The following ATG2B variants were observed in gnomAD, a reference collection of about 807,000 sequenced individuals.
The protein encoded by ATG2B is autophagy-related protein 2 homolog B.
A neutral mutation model predicts 241.3 loss-of-function variants in ATG2B; 121 were observed. That is an observed-to-expected ratio of 0.50 (90% CI 0.43 to 0.58). The LOEUF (loss-of-function observed/expected upper bound fraction) is 0.58, where lower values mean the gene tolerates loss of function less well. Ranked by LOEUF, ATG2B falls within the 20% of genes least tolerant of loss-of-function variation. The pLI is 0.00. For missense variants in ATG2B, 2,306 were observed against 2,491.6 expected, an observed-to-expected ratio of 0.93 and a Z score of 1.59; for synonymous variants, 858 against 876.6, an observed-to-expected ratio of 0.98 and a Z score of 0.37.
At chr14:96,342,060 C>T (rs1391116822) in intron 5 of ATG2B, among the ~76,000 whole-genome samples, 1 of 152,096 alleles carries the variant, frequency 6.6e-6, no homozygotes, top group Non-Finnish European at 1.5e-5. Flanking sequence ...GGACTCTCCT[C>T]TTGGAAGGGA....
chr14:96,288,541 T>C (rs945665995), intron 41 of ATG2B, among the ~76,000 whole-genome samples: 1 of 152,180 alleles, frequency 6.6e-6, no homozygotes, highest in African/African-American at 2.4e-5. Flanking sequence ...AAGCTGACCA[T>C]TGGTCTTACC....
chr14:96,351,947 A>C (rs1888335972), intron 1 of ATG2B, among the ~76,000 whole-genome samples: 1 of 152,044 alleles, frequency 6.6e-6, no homozygotes. Context: ...ATCAAAATGC[A>C]TAAATTTATA....
intron 32 of ATG2B, among the ~76,000 whole-genome samples, chr14:96,304,098 G>C (rs1886868004): frequency 6.6e-6 from 1 of 152,194 alleles, no homozygotes; most frequent in African/African-American, 2.4e-5. Context: ...CAAAGGACCT[G>C]CCAGATGCAC....
chr14:96,305,565 A>C, intron 31 of ATG2B, 24 bp downstream of exon 31: 1 of 1,508,724 alleles, frequency 6.6e-7, no homozygotes. Flanking sequence ...CCTCCCAAAT[A>C]AACTTATATA....
Position 96,294,997 on chromosome 14 carries a change from C to G in ATG2B, c.5389G>C (p.Glu1797Gln), listed in dbSNP as rs776597281. Reference protein sequence around the residue: ...NGMEEKNFSAEEASFRDQPVF... With the variant: ...NGMEEKNFSAQEASFRDQPVF... ...GGCTGATCCCTAAAAGATGCTTCTT[C>G]AGCAGAGAAGTTCTTCTCTTCCATG... Residue 1797 changes from glutamate to glutamine, a missense_variant, in exon 36 of 42, where the codon GAA becomes CAA. By Grantham distance (29) the Glu-to-Gln change is conservative. Coordinates refer to ENST00000359933, the MANE Select transcript of ATG2B (RefSeq NM_018036.7). 6.0e-5 allele frequency: 97 copies of G among 1,614,050 alleles called. No individual in the cohort carries two copies. Among genetic ancestry groups the G allele is most frequent in the Non-Finnish European group, 8.2e-5 (97 of 1,180,012 alleles).
At chr14:96,296,390 T>A (rs959744292) in intron 34 of ATG2B, among the ~76,000 whole-genome samples, 2 of 152,128 alleles carry the variant, frequency 1.3e-5, no homozygotes, top group Non-Finnish European at 2.9e-5. Flanking sequence ...GTTTTGCCTA[T>A]CTCACTCAAA....
intron 36 of ATG2B, 107 bp downstream of exon 36, chr14:96,294,853 G>A (rs370472115): frequency 8.4e-6 from 8 of 949,952 alleles, no homozygotes; most frequent in East Asian, 2.6e-5. Flanking sequence ...ATTTGGCAGT[G>A]CAAAGAAAAG....
intron 12 of ATG2B, among the ~76,000 whole-genome samples, chr14:96,328,989 G>T (rs142174038): frequency 6.6e-6 from 1 of 152,220 alleles, no homozygotes; most frequent in East Asian, 1.9e-4. Context: ...CCAAGAAAGT[G>T]TTTTTGAAAT....
chr14:96,301,903 T>A (rs1886801580), intron 34 of ATG2B, 104 bp downstream of exon 34: 2 of 870,538 alleles, frequency 2.3e-6, no homozygotes, highest in Non-Finnish European at 1.8e-6. Context: ...TTTATATATG[T>A]AACCGCCATA....
At chr14:96,351,838 G>C (rs1260609166) in intron 1 of ATG2B, among the ~76,000 whole-genome samples, 3 of 149,820 alleles carry the variant, frequency 2.0e-5, no homozygotes, top group Admixed American at 1.3e-4. Context: ...GGAGGTCAAG[G>C]CTGCGGTTGA....
At chr14:96,357,373 TGTTA>T (rs1555371588) in intron 1 of ATG2B, among the ~76,000 whole-genome samples, 2 of 152,210 alleles carry the variant, frequency 1.3e-5, no homozygotes, top group Non-Finnish European at 1.5e-5. Context: ...CTCCTGCCAC[TGTTA>T]TTCACTATTG....
In ATG2B at chr14:96,287,038, G is replaced by A. The variant is rs1193829294; in HGVS notation, c.6007-1053C>T. Among the ~76,000 whole-genome samples, 4 of 152,074 alleles carry A rather than the reference G, an allele frequency of 2.6e-5. No individual in the cohort carries two copies. In the South Asian group the frequency reaches 8.3e-4, roughly 32 times the overall value. On this transcript the variant is annotated intron_variant, in intron 41 of 41. Coordinates refer to ENST00000359933, the MANE Select transcript of ATG2B (RefSeq NM_018036.7). ...TAGGAGGCCGAGGCAGGCGGATCAC[G>A]AGGTCAGGAGATCAAGACCATCCTG...
chr14:96,353,657 T>TAA (rs1213627850), intron 1 of ATG2B, among the ~76,000 whole-genome samples: 1 of 134,352 alleles, frequency 7.4e-6, no homozygotes, highest in Non-Finnish European at 1.7e-5. Context: ...TATATATATA[T>TAA]ATAAATCATT....
chr14:96,291,917 C>A, intron 37 of ATG2B, 112 bp downstream of exon 37: 1 of 777,296 alleles, frequency 1.3e-6, no homozygotes, highest in South Asian at 2.3e-5. Context: ...AAACCTTGCA[C>A]TTCATTTCAA....
chr14:96,293,926 A>T (rs541420068), intron 36 of ATG2B, among the ~76,000 whole-genome samples: 2 of 152,326 alleles, frequency 1.3e-5, no homozygotes, highest in Admixed American at 6.5e-5. Context: ...TATAAATGTG[A>T]CTAATAAAAT....
Position 96,332,589 on chromosome 14 carries a change from A to C in ATG2B, c.1274T>G (p.Leu425Arg). ...AAGGTCCATGTTTGGGGGGTCCCCA[A>C]GGGGTGGAAGAGAAGAGAGACTATG... ...MSHSLSSLPP[L>R]GDPPNMDLEL... The change falls in exon 9 of 42, where the codon CTT becomes CGT. Residue 425 changes from leucine to arginine, a missense_variant. Transcript: ENST00000359933. 6.2e-7 allele frequency: 1 copy of C among 1,609,886 alleles called. No homozygotes were observed. Among genetic ancestry groups the C allele is most frequent in the Admixed American group, 1.7e-5 (1 of 59,066 alleles).
intron 18 of ATG2B, among the ~76,000 whole-genome samples, chr14:96,319,081 C>T (rs1225598349): frequency 6.6e-6 from 1 of 152,160 alleles, no homozygotes; most frequent in Non-Finnish European, 1.5e-5. Context: ...CCGGTCAAGG[C>T]GCCGCGTGGT....
rs780680629 is a variant in ATG2B at position 96,331,568 on chromosome 14, G to A, written c.1538C>T (p.Thr513Ile). ...AATGTGAAGCACAGAGATTGAAAAAGTTCCCACAGCTAGTCTAAAAATAAG... is the reference window on the plus strand; with the variant it reads ...AATGTGAAGCACAGAGATTGAAAAAATTCCCACAGCTAGTCTAAAAATAAG... ...PELIFRLAVG[T>I]FSISVLHIDP... The change falls in exon 11 of 42, where the codon ACT becomes ATT. Residue 513 changes from threonine (T) to isoleucine (I), a missense_variant. Transcript: ENST00000359933. 6.2e-7 allele frequency: 1 copy of A among 1,613,922 alleles called. No individual in the cohort carries two copies. The highest frequency in any genetic ancestry group is 1.1e-5 in the South Asian group (1 of 91,076).
intron 2 of ATG2B, among the ~76,000 whole-genome samples, chr14:96,346,864 C>T (rs1258637482): frequency 6.6e-6 from 1 of 152,208 alleles, no homozygotes; most frequent in Non-Finnish European, 1.5e-5. Context: ...TTCCAACAAT[C>T]TTTGAGCATT....
Sources: allele counts gnomAD v4.1 joint callset (sites outside exome capture counted in the v4.1 genomes callset), GRCh38; gene constraint gnomAD v4.1.1; transcripts MANE v1.5; gene names NCBI Gene and HGNC (gene_info 2026-07-23, HGNC 2026-07-21).